HRH4: variants seen among roughly 807,000 people sequenced by gnomAD.
HRH4 encodes the protein histamine H4 receptor.
Under a neutral mutation model 10.4 loss-of-function variants are expected in HRH4, and 12 were observed. The observed-to-expected ratio is 1.15, with a 90% CI of 0.74 to 1.87. The LOEUF (loss-of-function observed/expected upper bound fraction) is 1.87. Ranked by LOEUF, HRH4 falls within the 40% of genes most tolerant of loss-of-function variation. The pLI is 0.00. For synonymous variants in HRH4, 154 were observed against 166.6 expected, an observed-to-expected ratio of 0.92 and a Z score of 0.58; for missense variants, 415 against 453.3, an observed-to-expected ratio of 0.92 and a Z score of 0.77.
At chr18:24,469,797 A>G (rs2144373980) in intron 2 of HRH4, among the ~76,000 whole-genome samples, 2 of 152,066 alleles carry the variant, frequency 1.3e-5, no homozygotes, top group African/African-American at 4.8e-5. Context: ...GTATGTGTGC[A>G]GGTTTTTTTA....
intron 1 of HRH4, among the ~76,000 whole-genome samples, chr18:24,462,200 G>C (rs1909662365): frequency 6.6e-6 from 1 of 152,178 alleles, no homozygotes; most frequent in African/African-American, 2.4e-5. Flanking sequence ...AGTGAGCTTG[G>C]AGCTGGCTGG....
At chr18:24,473,081 G>A (rs113768002) in intron 2 of HRH4, among the ~76,000 whole-genome samples, 11,584 of 152,168 alleles carry the variant, frequency 0.076, 584 homozygotes, top group Middle Eastern at 0.12. Context: ...CTTGAACCCA[G>A]GAGGCGGAGG....
At chr18:24,468,974 C>T (rs781231684) in intron 2 of HRH4, 23 bp downstream of exon 2, 25 of 1,565,726 alleles carry the variant, frequency 1.6e-5, no homozygotes, top group South Asian at 1.5e-4. Context: ...ATTAATTTAT[C>T]CCCCTTAGAA....
intron 1 of HRH4, among the ~76,000 whole-genome samples, chr18:24,468,545 G>T (rs745361462): frequency 2.0e-5 from 3 of 152,148 alleles, no homozygotes; most frequent in African/African-American, 4.8e-5. Context: ...CACAGATGTA[G>T]AATTCATGGA....
At chr18:24,474,527 A>T (rs1014871172) in intron 2 of HRH4, among the ~76,000 whole-genome samples, 7 of 152,184 alleles carry the variant, frequency 4.6e-5, no homozygotes, top group African/African-American at 1.4e-4. Context: ...ACCATGAGAA[A>T]CCATTGCAGA....
In HRH4 at chr18:24,460,871, A is replaced by T; in HGVS notation, c.143A>T (p.His48Leu). The change falls in exon 1 of 3, where the codon CAT (histidine) becomes CTT (leucine). Residue 48 changes from histidine to leucine, a missense_variant. His to Leu is a moderately conservative substitution (Grantham distance 99). Transcript: ENST00000256906. Reference sequence around the variant, plus strand: ...TTTGTGGTGGACAAAAACCTTAGACATCGAAGTAGTTATTTTTTTCTTAAC... The same window carrying T: ...TTTGTGGTGGACAAAAACCTTAGACTTCGAAGTAGTTATTTTTTTCTTAAC... ...LAFVVDKNLRHRSSYFFLNLA... is the reference protein window; with the variant it reads ...LAFVVDKNLRLRSSYFFLNLA... 1 of 1,588,718 alleles carries T rather than the reference A, an allele frequency of 6.3e-7. No homozygotes were observed. Among genetic ancestry groups the T allele is most frequent in the Non-Finnish European group, 8.6e-7 (1 of 1,161,852 alleles).
At chr18:24,466,854 C>A (rs901008793) in intron 1 of HRH4, among the ~76,000 whole-genome samples, 1 of 152,222 alleles carries the variant, frequency 6.6e-6, no homozygotes, top group African/African-American at 2.4e-5. Context: ...TTCTTAGCAA[C>A]TAATCACACC....
Position 24,477,485 on chromosome 18 carries a change from C to A in HRH4, c.1096C>A (p.Gln366Lys). Reference sequence around the variant, plus strand: ...GTATCCATTGTGTCACAAGCGCTTTCAAAAGGCTTTCTTGAAAATATTTTG... The same window carrying A: ...GTATCCATTGTGTCACAAGCGCTTTAAAAAGGCTTTCTTGAAAATATTTTG... ...LLYPLCHKRF[Q>K]KAFLKIFCIK... The change falls in exon 3 of 3, where the codon CAA becomes AAA. Residue 366 changes from glutamine (Q) to lysine (K), a missense_variant. Gln to Lys is a moderately conservative substitution (Grantham distance 53). Coordinates refer to ENST00000256906, the MANE Select transcript of HRH4 (RefSeq NM_021624.4). 1 of 1,611,504 alleles carries A rather than the reference C, an allele frequency of 6.2e-7. No homozygotes were observed. The highest frequency in any genetic ancestry group is 1.1e-5 in the South Asian group (1 of 90,820).
intron 2 of HRH4, among the ~76,000 whole-genome samples, chr18:24,475,457 C>T (rs781542324): frequency 4.6e-5 from 7 of 152,072 alleles, no homozygotes; most frequent in Non-Finnish European, 8.8e-5. Flanking sequence ...GGCATTATCT[C>T]TACAAATAAC....
At chr18:24,466,285 G>GTT (rs1215919797) in intron 1 of HRH4, among the ~76,000 whole-genome samples, 37 of 49,498 alleles carry the variant, frequency 7.5e-4, no homozygotes, top group African/African-American at 2.4e-3. Context: ...GCTAATTTTT[G>GTT]TATTTTTTTT....
At chr18:24,475,603 G>A (rs755928715) in intron 2 of HRH4, among the ~76,000 whole-genome samples, 1 of 152,136 alleles carries the variant, frequency 6.6e-6, no homozygotes, top group South Asian at 2.1e-4. Context: ...GCAGCCCTGG[G>A]CAACAGAACG....
intron 1 of HRH4, among the ~76,000 whole-genome samples, chr18:24,465,299 A>G (rs76275780): frequency 2.1e-3 from 320 of 152,016 alleles, no homozygotes; most frequent in African/African-American, 7.4e-3. Context: ...AAACAAACAA[A>G]CAAAACAAAA....
At chr18:24,470,253 A>G (rs13381219) in intron 2 of HRH4, among the ~76,000 whole-genome samples, 4,846 of 152,078 alleles carry the variant, frequency 0.032, 260 homozygotes, top group African/African-American at 0.11. Flanking sequence ...TGCTCCAGGA[A>G]CTCACCCAGG....
intron 2 of HRH4, among the ~76,000 whole-genome samples, chr18:24,471,605 T>TAAAAAAAAAAAAAAAA (rs1326474848): frequency 1.0e-4 from 1 of 9,918 alleles, no homozygotes; most frequent in African/African-American, 6.2e-4. Context: ...AGACTCCATC[T>TAAAAAAAAAAAAAAAA]CAAAAAAAAA....
In HRH4 at chr18:24,460,871, A is replaced by G; in HGVS notation, c.143A>G (p.His48Arg). 5 of 1,588,718 alleles carry G rather than the reference A, an allele frequency of 3.1e-6. No homozygotes were observed. The highest frequency in any genetic ancestry group is 4.3e-6 in the Non-Finnish European group (5 of 1,161,852). ...LAFVVDKNLR[H>R]RSSYFFLNLA... ...TTTGTGGTGGACAAAAACCTTAGAC[A>G]TCGAAGTAGTTATTTTTTTCTTAAC... is the stretch of plus-strand genomic sequence containing the variant. Residue 48 changes from histidine to arginine, a missense_variant, in exon 1 of 3, where the codon CAT becomes CGT. Physicochemically the swap from His to Arg is conservative, Grantham distance 29 (BLOSUM62 0). Coordinates refer to ENST00000256906, the MANE Select transcript of HRH4 (RefSeq NM_021624.4).
chr18:24,476,439 C>T (rs181492647), intron 2 of HRH4, among the ~76,000 whole-genome samples: 1 of 152,324 alleles, frequency 6.6e-6, no homozygotes, highest in East Asian at 1.9e-4. Flanking sequence ...AGTTGTTTGA[C>T]ATTCAGATTA....
At position 24,468,856 on chromosome 18, in the gene HRH4, G is replaced by A. The variant is rs774108097; in HGVS notation, c.262G>A (p.Val88Ile). 6.2e-7 allele frequency: 1 copy of A among 1,614,008 alleles called. No individual in the cohort carries two copies. The highest frequency in any genetic ancestry group is 2.2e-5 in the East Asian group (1 of 44,872). ...FEWDFGKEIC[V>I]FWLTTDYLLC... The stretch of plus-strand genomic sequence containing the variant: ...ATGGGATTTTGGAAAGGAAATCTGT[G>A]TATTTTGGCTCACTACTGACTATCT... The change falls in exon 2 of 3, where the codon GTA becomes ATA. Residue 88 changes from valine to isoleucine, a missense_variant. Coordinates refer to ENST00000256906, the MANE Select transcript of HRH4 (RefSeq NM_021624.4).
At chr18:24,475,298 A>G (rs1910106081) in intron 2 of HRH4, among the ~76,000 whole-genome samples, 1 of 121,202 alleles carries the variant, frequency 8.3e-6, no homozygotes, top group Non-Finnish European at 1.6e-5. Flanking sequence ...CAGCTTTGAC[A>G]TTGTATTTGT....
intron 2 of HRH4, among the ~76,000 whole-genome samples, chr18:24,476,545 C>T (rs1217351186): frequency 6.6e-6 from 1 of 152,156 alleles, no homozygotes; most frequent in Non-Finnish European, 1.5e-5. Context: ...ACAGTCTTCT[C>T]CCCTGAAAAC....
Sources: gnomAD v4.1 joint callset for allele counts (sites outside exome capture counted in the v4.1 genomes callset) on GRCh38, gnomAD v4.1.1 for gene constraint, MANE v1.5 for transcripts, NCBI Gene and HGNC (gene_info 2026-07-23, HGNC 2026-07-21) for gene names.